Variants in NRDE2 observed in about 807,000 individuals in gnomAD.
NRDE2 encodes the protein NRDE-2, necessary for RNA interference, domain containing.
A neutral mutation model predicts 124.2 loss-of-function variants in NRDE2; 76 were observed. The ratio of observed to expected loss-of-function variants is 0.61; its 90% confidence interval spans 0.51 to 0.74. The LOEUF (loss-of-function observed/expected upper bound fraction) is 0.74, where lower values mean the gene tolerates loss of function less well. NRDE2 is among the 30% of genes least tolerant of loss of function. The pLI is 0.00. For synonymous variants in NRDE2, 489 were observed against 528.1 expected (o/e 0.93, Z 1.01); for missense variants, 1,314 against 1,417.3 (o/e 0.93, Z 1.17).
chr14:90,318,095 T>A lies in NRDE2; in HGVS notation c.83A>T (p.Asn28Ile). Residue 28 changes from asparagine to isoleucine, a missense_variant, in exon 2 of 14, where the codon AAC becomes ATC. Asn to Ile is a moderately radical substitution (Grantham distance 149). Transcript: ENST00000354366. ...SSRKELDWLS[N>I]PSFCVGSITS... ...TATGGATCCAACACAAAAGCTTGGGTTGCTCAGCCAGTCTAACTCTGCACA... is the reference window on the plus strand; with the variant it reads ...TATGGATCCAACACAAAAGCTTGGGATGCTCAGCCAGTCTAACTCTGCACA... 4 of 1,613,842 alleles carry A rather than the reference T, an allele frequency of 2.5e-6. No homozygotes were observed. The highest frequency in any genetic ancestry group is 3.4e-6 in the Non-Finnish European group (4 of 1,179,896).
intron 1 of NRDE2, among the ~76,000 whole-genome samples, chr14:90,325,866 A>G (rs936539710): frequency 6.6e-6 from 1 of 152,144 alleles, no homozygotes; most frequent in African/African-American, 2.4e-5. Flanking sequence ...AGAGGAGAAC[A>G]GCACCCCTCT....
intron 7 of NRDE2, among the ~76,000 whole-genome samples, chr14:90,300,942 A>C (rs552936875): frequency 1.5e-5 from 2 of 133,044 alleles, no homozygotes; most frequent in South Asian, 5.3e-4. Context: ...ACAGGCAGGC[A>C]GGCAGGCAGG....
chr14:90,289,120 T>C lies in NRDE2; in HGVS notation c.2255A>G (p.Asn752Ser), dbSNP rs778657185. Residue 752 changes from asparagine to serine, a missense_variant, in exon 11 of 14, where the codon AAC becomes AGC. By Grantham distance (46) the Asn-to-Ser change is conservative. Coordinates refer to ENST00000354366, the MANE Select transcript of NRDE2 (RefSeq NM_017970.4). ...AKVIWCLHTKNKKRLKSQGKN... is the reference protein window; with the variant it reads ...AKVIWCLHTKSKKRLKSQGKN... ...CCCTTGAGACTTTAATCTCTTCTTG[T>C]TTTTAGTGTGCAGGCACCAAATGAC... 8.1e-6 allele frequency: 13 copies of C among 1,607,132 alleles called. No individual in the cohort carries two copies. The highest frequency in any genetic ancestry group is 1.6e-4 in the Middle Eastern group (1 of 6,068).
At chr14:90,327,967 C>T (rs1440953928) in intron 1 of NRDE2, among the ~76,000 whole-genome samples, 1 of 152,086 alleles carries the variant, frequency 6.6e-6, no homozygotes, top group Non-Finnish European at 1.5e-5. Context: ...CATGGTGAAA[C>T]CCCCTATCTA....
At chr14:90,283,713 G>GGT (rs538732133) in intron 12 of NRDE2, among the ~76,000 whole-genome samples, 1 of 142,490 alleles carries the variant, frequency 7.0e-6, no homozygotes, top group African/African-American at 2.6e-5. Flanking sequence ...CAGGTTTTTT[G>GGT]TTTTTTTTTT....
intron 8 of NRDE2, among the ~76,000 whole-genome samples, chr14:90,296,378 C>G (rs1428824728): frequency 3.9e-5 from 6 of 152,150 alleles, no homozygotes; most frequent in South Asian, 4.1e-4. Flanking sequence ...GAATAGTTCT[C>G]ATTCTTTTTG....
chr14:90,288,787 G>A lies in NRDE2; in HGVS notation c.2588C>T (p.Thr863Ile), dbSNP rs1423411059. 1.2e-6 allele frequency: 2 copies of A among 1,614,192 alleles called. No homozygotes were observed. The highest frequency in any genetic ancestry group is 2.2e-5 in the South Asian group (2 of 91,090). ...AATGTGAACAGCCAACACCTGTCCA[G>A]TGTAGGGCCCATAGGGGCTGCTCTC... ...LTESSPYGPY[T>I]GQVLAVHILK... The change falls in exon 11 of 14, where the codon ACT becomes ATT. Residue 863 changes from threonine to isoleucine, a missense_variant. By Grantham distance (89) the Thr-to-Ile change is moderately conservative. Transcript: ENST00000354366.
Position 90,288,760 on chromosome 14 carries a change from A to C in NRDE2, c.2615T>G (p.Leu872Trp). The C allele has an allele frequency of 6.2e-7, 1 of 1,614,112 alleles. No homozygotes were observed. The highest frequency in any genetic ancestry group is 8.5e-7 in the Non-Finnish European group (1 of 1,179,978). The change falls in exon 11 of 14, where the codon TTG (leucine) becomes TGG (tryptophan). Residue 872 changes from leucine (L) to tryptophan (W), a missense_variant. Leu to Trp is a moderately conservative substitution (Grantham distance 61). Coordinates refer to ENST00000354366, the MANE Select transcript of NRDE2 (RefSeq NM_017970.4). ...YTGQVLAVHI[L>W]KARKAYEHAL... ...GTGCTCATAAGCCTTTCGCGCTTTC[A>C]AAATGTGAACAGCCAACACCTGTCC... is the stretch of plus-strand genomic sequence containing the variant.
In NRDE2 at chr14:90,289,049, T is replaced by C. The variant is rs1446012675; in HGVS notation, c.2326A>G (p.Asn776Asp). The C allele has an allele frequency of 6.2e-7, 1 of 1,614,164 alleles. No homozygotes were observed. The highest frequency in any genetic ancestry group is 1.1e-5 in the South Asian group (1 of 91,084). The stretch of plus-strand genomic sequence containing the variant: ...TTCCACAGGCAAAAGTTGTTGCAGT[T>C]TTCTGGCTCCTTAAGGAGATTCTTG... ...LAKNLLKEPE[N>D]CNNFCLWKQY... Residue 776 changes from asparagine (N) to aspartate (D), a missense_variant, in exon 11 of 14, where the codon AAC becomes GAC. Physicochemically the swap from Asn to Asp is conservative, Grantham distance 23. Transcript: ENST00000354366.
intron 11 of NRDE2, among the ~76,000 whole-genome samples, chr14:90,287,517 A>T (rs1892141077): frequency 6.6e-6 from 1 of 152,162 alleles, no homozygotes; most frequent in African/African-American, 2.4e-5. Context: ...GCTACCGGGG[A>T]GACTGAGGTG....
In NRDE2 at chr14:90,278,051, T is replaced by G. The variant is rs1254783650; in HGVS notation, c.*285A>C. 2 of 291,198 alleles carry G rather than the reference T, an allele frequency of 6.9e-6. No individual in the cohort carries two copies. The highest frequency in any genetic ancestry group is 7.1e-5 in the East Asian group (1 of 14,168). 18.0% of individuals were successfully genotyped at this position (291,198 alleles called of 1,614,324 possible). ...ACAGGGAGAGAATGAGCAAGGACGCTGCCACGCCTCAATCATCATCGGTTT... is the reference window on the plus strand; with the variant it reads ...ACAGGGAGAGAATGAGCAAGGACGCGGCCACGCCTCAATCATCATCGGTTT... On this transcript the variant is annotated 3_prime_UTR_variant, in exon 14 of 14. Transcript: ENST00000354366.
At chr14:90,326,644 G>C (rs1885451487) in intron 1 of NRDE2, among the ~76,000 whole-genome samples, 2 of 152,170 alleles carry the variant, frequency 1.3e-5, no homozygotes, top group South Asian at 2.1e-4. Context: ...AGAGATGGAA[G>C]GTTTTTCTCC....
chr14:90,308,439 T>C (rs1884698594), intron 4 of NRDE2, among the ~76,000 whole-genome samples: 1 of 152,126 alleles, frequency 6.6e-6, no homozygotes, highest in African/African-American at 2.4e-5. Context: ...TAGTACTGGT[T>C]CTAACTTCAC....
chr14:90,301,935 T>G (rs1239751307), intron 6 of NRDE2: 4 of 410,736 alleles, frequency 9.7e-6, no homozygotes, highest in Non-Finnish European at 1.9e-5. Context: ...TCTGTGTCAG[T>G]GTGATAAATG....
At position 90,286,300 on chromosome 14, in the gene NRDE2, TGAAG is replaced by T. The variant is rs1212592781; in HGVS notation, c.3297+50_3297+53del. The T allele has an allele frequency of 2.6e-6, 4 of 1,556,496 alleles. No individual in the cohort carries two copies. The East Asian group carries it at 9.3e-5, about 36-fold the overall frequency. ...CATTTCATAAATACCTTCTCATTTATGAAGGAAGAGGTAGAGCTCTGCATGAACA... is the reference window on the plus strand; with the variant it reads ...CATTTCATAAATACCTTCTCATTTATGAAGAGGTAGAGCTCTGCATGAACA... On this transcript the variant is annotated intron_variant, in intron 12 of 13. Coordinates refer to ENST00000354366, the MANE Select transcript of NRDE2 (RefSeq NM_017970.4).
chr14:90,301,425 A>G, intron 6 of NRDE2, 53 bp from the exon 7 acceptor site: 2 of 1,580,400 alleles, frequency 1.3e-6, no homozygotes, highest in South Asian at 2.2e-5. Context: ...GTTAAAGGGA[A>G]AGAACCTAAC....
chr14:90,302,692 A>T, intron 6 of NRDE2, 28 bp downstream of exon 6: 1 of 1,541,012 alleles, frequency 6.5e-7, no homozygotes, highest in African/African-American at 1.4e-5. Flanking sequence ...AACTCCTCCC[A>T]CGTAACTGGA....
In NRDE2 at chr14:90,270,391, G is replaced by A. The variant is rs1255562250; in HGVS notation, c.*7945C>T. ...CGTGTCAGCTTATTTCTGGGAATGT[G>A]GCCGTCAATCAGGAAAGAGTCTATA... On this transcript the variant is annotated 3_prime_UTR_variant, in exon 14 of 14. Coordinates refer to ENST00000354366, the MANE Select transcript of NRDE2 (RefSeq NM_017970.4). 2 of 1,593,126 alleles carry A rather than the reference G, an allele frequency of 1.3e-6. No homozygotes were observed. The highest frequency in any genetic ancestry group is 1.7e-6 in the Non-Finnish European group (2 of 1,170,336).
chr14:90,316,810 T>C lies in NRDE2; in HGVS notation c.175A>G (p.Ser59Gly). ...TCTGAAGACTCTGATTTCAGATGACTCCTGTTTGGGAAAATCAACTTTAAA... is the reference window on the plus strand; with the variant it reads ...TCTGAAGACTCTGATTTCAGATGACCCCTGTTTGGGAAAATCAACTTTAAA... ...HVSEGLPLTR[S>G]HLKSESSDES... The change falls in exon 3 of 14, where the codon AGT (serine) becomes GGT (glycine). Residue 59 changes from serine to glycine, a missense_variant and splice_region_variant. Physicochemically the swap from Ser to Gly is moderately conservative, Grantham distance 56. Coordinates refer to ENST00000354366, the MANE Select transcript of NRDE2 (RefSeq NM_017970.4). 1 of 1,579,506 alleles carries C rather than the reference T, an allele frequency of 6.3e-7. No individual in the cohort carries two copies. Among genetic ancestry groups the C allele is most frequent in the South Asian group, 1.2e-5 (1 of 85,436 alleles).
Sources: allele counts gnomAD v4.1 joint callset (sites outside exome capture counted in the v4.1 genomes callset), GRCh38; gene constraint gnomAD v4.1.1; transcripts MANE v1.5; gene names NCBI Gene and HGNC (gene_info 2026-07-23, HGNC 2026-07-21).